NUP210L: variants seen among roughly 807,000 people sequenced by gnomAD.
NUP210L encodes the protein nucleoporin 210 like, also known as nuclear pore membrane glycoprotein 210-like.
In NUP210L, 74 loss-of-function variants were observed where a neutral mutation model predicts 208.5. The ratio of observed to expected loss-of-function variants is 0.35; its 90% CI spans 0.29 to 0.43. The LOEUF (loss-of-function observed/expected upper bound fraction) is 0.43, where lower values mean the gene tolerates loss of function less well. Ranked by LOEUF, NUP210L falls within the 20% of genes least tolerant of loss-of-function variation. The pLI, the probability that NUP210L is intolerant of heterozygous loss-of-function variation, is 1.00. For synonymous variants in NUP210L, 780 were observed against 816.9 expected (o/e 0.95, Z 0.77); for missense variants, 1,843 against 2,289.4 (o/e 0.81, Z 3.98).
intron 2 of NUP210L, among the ~76,000 whole-genome samples, chr1:154,146,200 A>G (rs942058851): frequency 6.6e-6 from 1 of 152,188 alleles, no homozygotes; most frequent in African/African-American, 2.4e-5. Context: ...CCAACCTGAA[A>G]GAGCCCCCAG....
intron 33 of NUP210L, among the ~76,000 whole-genome samples, chr1:154,017,616 A>G (rs770050888): frequency 3.0e-4 from 45 of 149,012 alleles, no homozygotes; most frequent in Non-Finnish European, 4.7e-4. Flanking sequence ...TCCTGGGTTC[A>G]AGCGATTCTC....
At chr1:154,076,524 CA>C (rs1159645899) in intron 16 of NUP210L, among the ~76,000 whole-genome samples, 1 of 151,722 alleles carries the variant, frequency 6.6e-6, no homozygotes, top group Non-Finnish European at 1.5e-5. Flanking sequence ...GAAGTTATAA[CA>C]AAAAAGAACC....
intron 30 of NUP210L, among the ~76,000 whole-genome samples, chr1:154,023,587 C>T (rs1006875215): frequency 6.6e-6 from 1 of 151,722 alleles, no homozygotes; most frequent in Non-Finnish European, 1.5e-5. Context: ...AAGCAATTCT[C>T]CTACCTCAGC....
intron 12 of NUP210L, among the ~76,000 whole-genome samples, chr1:154,116,071 C>T (rs1386662710): frequency 5.3e-5 from 8 of 151,884 alleles, no homozygotes; most frequent in Non-Finnish European, 1.2e-4. Context: ...CTGGCTAGCA[C>T]GGTGAAACCC....
At position 154,022,272 on chromosome 1, in the gene NUP210L, A is replaced by G. The variant is rs369671902; in HGVS notation, c.4370T>C (p.Leu1457Pro). 2.7e-5 allele frequency: 43 copies of G among 1,614,086 alleles called. No individual in the cohort carries two copies. The highest frequency in any genetic ancestry group is 3.5e-5 in the Non-Finnish European group (41 of 1,180,048). Reference sequence around the variant, plus strand: ...CCGGTCCCAAAGCCCCACAAGTGTCAGCCCTCTGTTCACAGCCTGGGCCAT... The same window carrying G: ...CCGGTCCCAAAGCCCCACAAGTGTCGGCCCTCTGTTCACAGCCTGGGCCAT... The change falls in exon 32 of 40, where the codon CTG becomes CCG. Residue 1457 changes from leucine (L) to proline (P), a missense_variant. Physicochemically the swap from Leu to Pro is moderately conservative, Grantham distance 98. Around this residue, in one of 5 missense-constraint regions of NUP210L, gnomAD observed 781 missense variants for 973.8 expected, o/e 0.80. Coordinates refer to ENST00000368559, the Ensembl canonical transcript of NUP210L.
In NUP210L at chr1:154,065,236, A is replaced by G. The variant is rs1357177724; in HGVS notation, c.2555-3562T>C. On this transcript the variant is annotated intron_variant, in intron 17 of 39. Coordinates refer to ENST00000368559, the Ensembl canonical transcript of NUP210L. The stretch of plus-strand genomic sequence containing the variant: ...GGAGTTTGAGACCAGCTTGGGCAAC[A>G]TAGTGAGAACCTGTCTCTACAAAAA... 3.3e-5 allele frequency among the ~76,000 whole-genome samples: 5 copies of G among 152,106 alleles called. No individual in the cohort carries two copies. In the East Asian group the frequency reaches 9.7e-4, roughly 29 times the overall value.
At chr1:154,143,631 A>T (rs1658968985) in intron 2 of NUP210L, 54 bp from the exon 3 acceptor site, 5 of 1,444,818 alleles carry the variant, frequency 3.5e-6, no homozygotes, top group Non-Finnish European at 3.8e-6. Context: ...GAATCTATTA[A>T]ATGTCTCAAA....
At chr1:154,110,418 C>T (rs1656983024) in intron 12 of NUP210L, among the ~76,000 whole-genome samples, 1 of 150,482 alleles carries the variant, frequency 6.6e-6, no homozygotes, top group South Asian at 2.1e-4. Flanking sequence ...ATTACAGGGG[C>T]ACGCCACCAT....
chr1:154,027,704 C>A, intron 28 of NUP210L, 107 bp from the exon 29 acceptor site: 1 of 668,144 alleles, frequency 1.5e-6, no homozygotes. Flanking sequence ...AAATAAATGA[C>A]AACTACGAAT....
chr1:154,064,969 G>C (rs994617092), intron 17 of NUP210L, among the ~76,000 whole-genome samples: 2 of 151,872 alleles, frequency 1.3e-5, no homozygotes, highest in Non-Finnish European at 2.9e-5. Context: ...CCAGCTACTC[G>C]GGAGGCTGAG....
chr1:154,058,803 C>A (rs892942073), intron 20 of NUP210L, 110 bp from the exon 21 acceptor site: 1 of 1,052,788 alleles, frequency 9.5e-7, no homozygotes, highest in Non-Finnish European at 1.4e-6. Flanking sequence ...TTTCTTTGAA[C>A]TGGGGACTCT....
chr1:154,105,079 T>C (rs1380452177), intron 12 of NUP210L, among the ~76,000 whole-genome samples: 2 of 152,166 alleles, frequency 1.3e-5, no homozygotes, highest in Non-Finnish European at 2.9e-5. Context: ...AAGGCCCCCA[T>C]TTCAGACACT....
At chr1:154,029,375 C>CAAA (rs57790370) in intron 28 of NUP210L, among the ~76,000 whole-genome samples, 7 of 44,066 alleles carry the variant, frequency 1.6e-4, no homozygotes, top group East Asian at 7.2e-4. Flanking sequence ...AAGACTGTCT[C>CAAA]AAAAAAAAAA....
chr1:154,108,682 G>C (rs1193814761), intron 12 of NUP210L, among the ~76,000 whole-genome samples: 1 of 151,662 alleles, frequency 6.6e-6, no homozygotes, highest in Non-Finnish European at 1.5e-5. Flanking sequence ...AGAAGGAAGA[G>C]AAGACCACAA....
intron 27 of NUP210L, among the ~76,000 whole-genome samples, chr1:154,033,815 C>T (rs555830635): frequency 6.6e-6 from 1 of 152,288 alleles, no homozygotes; most frequent in African/African-American, 2.4e-5. Flanking sequence ...AGGGACTGCA[C>T]TGAATCTGTA....
At chr1:154,116,873 GTATAAC>G (rs1253796053) in intron 12 of NUP210L, among the ~76,000 whole-genome samples, 1 of 152,124 alleles carries the variant, frequency 6.6e-6, no homozygotes, top group African/African-American at 2.4e-5. Context: ...AAAATCATAT[GTATAAC>G]TATAACAAAA....
intron 9 of NUP210L, among the ~76,000 whole-genome samples, chr1:154,126,741 A>G (rs1237265533): frequency 1.3e-5 from 2 of 152,188 alleles, no homozygotes; most frequent in African/African-American, 2.4e-5. Context: ...ATAAATTGAC[A>G]GTTCTCAGGA....
chr1:154,098,412 G>A (rs1656285369), intron 14 of NUP210L, among the ~76,000 whole-genome samples: 1 of 152,246 alleles, frequency 6.6e-6, no homozygotes, highest in Non-Finnish European at 1.5e-5. Flanking sequence ...AAGGTCCCAA[G>A]TTCTTGTCCT....
rs761689544 is a variant in NUP210L, at chr1:154,054,789, A to G, written c.3284T>C (p.Ile1095Thr). The G allele has an allele frequency of 1.2e-6, 2 of 1,613,370 alleles. 1 individual carries two copies. Among genetic ancestry groups the G allele is most frequent in the Admixed American group, 3.3e-5 (2 of 60,016 alleles). Residue 1095 changes from isoleucine to threonine, a missense_variant, in exon 24 of 40, where the codon ATT (isoleucine) becomes ACT (threonine). This residue lies in a region of NUP210L where 781 missense variants were observed against 973.8 expected (regional missense o/e 0.80). Transcript: ENST00000368559. ...GTTCACCTGCATCATATTCATTGGAATCAGTGTCATTTTCTCTGGAAGAAG... is the reference window on the plus strand; with the variant it reads ...GTTCACCTGCATCATATTCATTGGAGTCAGTGTCATTTTCTCTGGAAGAAG...
Sources: allele counts gnomAD v4.1 joint callset (sites outside exome capture counted in the v4.1 genomes callset), GRCh38; gene constraint gnomAD v4.1.1; regional missense constraint gnomAD v4.1.1; transcripts MANE v1.5; gene names NCBI Gene and HGNC (gene_info 2026-07-23, HGNC 2026-07-21).